Variants in B3GNT2 observed in about 807,000 individuals in gnomAD.
B3GNT2 encodes the protein UDP-GlcNAc:betaGal beta-1,3-N-acetylglucosaminyltransferase 2, also known as N-acetyllactosaminide beta-1,3-N-acetylglucosaminyltransferase 2.
B3GNT2 carries 12 observed loss-of-function variants against 27.6 expected under a neutral mutation model. The ratio of observed to expected loss-of-function variants is 0.44; its 90% CI spans 0.28 to 0.71. B3GNT2 has a LOEUF of 0.71. Among genes scored for constraint, B3GNT2 ranks in the 30% least tolerant of loss-of-function variants. The pLI is 0.17. For missense variants in B3GNT2, 413 were observed against 488.5 expected, an observed-to-expected ratio of 0.85 and a Z score of 1.46; for synonymous variants, 192 against 189.7, an observed-to-expected ratio of 1.01 and a Z score of -0.10.
At chr2:62,218,862 G>A (rs1674625900) in intron 1 of B3GNT2, among the ~76,000 whole-genome samples, 1 of 152,234 alleles carries the variant, frequency 6.6e-6, no homozygotes, top group Non-Finnish European at 1.5e-5. Flanking sequence ...CCATTCATTA[G>A]TCCCTGTGTC....
At chr2:62,201,354 G>A (rs1416873073) in intron 1 of B3GNT2, among the ~76,000 whole-genome samples, 1 of 152,182 alleles carries the variant, frequency 6.6e-6, no homozygotes, top group Non-Finnish European at 1.5e-5. Flanking sequence ...ATGAGAACTG[G>A]TTTATGGTCA....
At chr2:62,197,734 G>T (rs1270086181) in intron 1 of B3GNT2, among the ~76,000 whole-genome samples, 1 of 152,246 alleles carries the variant, frequency 6.6e-6, no homozygotes, top group East Asian at 1.9e-4. Context: ...GGGACTGGGA[G>T]TGAAAAGGCG....
intron 1 of B3GNT2, chr2:62,215,700 C>T (rs1237391555): frequency 6.6e-6 from 1 of 152,218 alleles, no homozygotes; most frequent in Non-Finnish European, 1.5e-5. Flanking sequence ...CCTCTGGCCT[C>T]GTGATATGGC....
intron 1 of B3GNT2, among the ~76,000 whole-genome samples, chr2:62,209,367 A>G (rs532912396): frequency 1.5e-3 from 224 of 152,228 alleles, no homozygotes; most frequent in Non-Finnish European, 2.8e-3. Context: ...TAAAAGAGAT[A>G]TTAGAGTGGA....
chr2:62,197,670 C>T (rs1264423057), intron 1 of B3GNT2, among the ~76,000 whole-genome samples: 1 of 152,216 alleles, frequency 6.6e-6, no homozygotes, highest in Non-Finnish European at 1.5e-5. Context: ...ACAAATTCTT[C>T]CGGTATAATT....
At chr2:62,197,171 G>T (rs377557852) in intron 1 of B3GNT2, among the ~76,000 whole-genome samples, 1 of 152,138 alleles carries the variant, frequency 6.6e-6, no homozygotes, top group Non-Finnish European at 1.5e-5. Context: ...GACACCCCTC[G>T]TGGGAAGGTG....
chr2:62,202,304 A>G (rs1183278442), intron 1 of B3GNT2, among the ~76,000 whole-genome samples: 1 of 152,216 alleles, frequency 6.6e-6, no homozygotes, highest in Non-Finnish European at 1.5e-5. Context: ...TTGGTCTTGA[A>G]GGATGTGAAT....
At chr2:62,213,363 A>G (rs535707633) in intron 1 of B3GNT2, among the ~76,000 whole-genome samples, 1 of 152,270 alleles carries the variant, frequency 6.6e-6, no homozygotes, top group South Asian at 2.1e-4. Flanking sequence ...TGTACTAAGG[A>G]TCTTCCTCTA....
At position 62,223,534 on chromosome 2, in the gene B3GNT2, A is replaced by G. The variant is rs6759249; in HGVS notation, c.*120A>G. On this transcript the variant is annotated 3_prime_UTR_variant, in exon 2 of 2. Transcript: ENST00000301998. ...AAAATTGCCTTTATGAGTGATACCCATTTGAGGGCCTCTAAACCCTTCAAT... is the reference window on the plus strand; with the variant it reads ...AAAATTGCCTTTATGAGTGATACCCGTTTGAGGGCCTCTAAACCCTTCAAT... 31,600 of 852,284 alleles carry G rather than the reference A, an allele frequency of 0.037. 5,399 individuals are homozygous for G. The African/African-American group carries it at 0.42, about 11-fold the overall frequency. 52.8% of individuals were successfully genotyped at this position (852,284 alleles called of 1,614,324 possible).
At chr2:62,219,294 C>G (rs1674636691) in intron 1 of B3GNT2, among the ~76,000 whole-genome samples, 1 of 152,078 alleles carries the variant, frequency 6.6e-6, no homozygotes, top group African/African-American at 2.4e-5. Flanking sequence ...TAAATTTTTG[C>G]CGGGTATTAA....
chr2:62,214,319 G>A (rs1674531501), intron 1 of B3GNT2, among the ~76,000 whole-genome samples: 1 of 152,186 alleles, frequency 6.6e-6, no homozygotes, highest in African/African-American at 2.4e-5. Context: ...GGAGGCTGTA[G>A]GCTATTGCAG....
chr2:62,213,317 C>T (rs1007977932), intron 1 of B3GNT2, among the ~76,000 whole-genome samples: 7 of 152,128 alleles, frequency 4.6e-5, no homozygotes, highest in African/African-American at 1.4e-4. Flanking sequence ...ATGATTGTCC[C>T]ACCTTAGGTA....
At chr2:62,216,627 C>T (rs1447017694) in intron 1 of B3GNT2, among the ~76,000 whole-genome samples, 1 of 152,056 alleles carries the variant, frequency 6.6e-6, no homozygotes, top group African/African-American at 2.4e-5. Context: ...TGGTCTCGAA[C>T]TCCTGGGCTC....
chr2:62,208,611 G>A (rs924541990), intron 1 of B3GNT2, among the ~76,000 whole-genome samples: 1 of 152,182 alleles, frequency 6.6e-6, no homozygotes, highest in African/African-American at 2.4e-5. Flanking sequence ...CTGGCACAGA[G>A]CCAGGGACCA....
At chr2:62,203,659 C>G (rs2104187469) in intron 1 of B3GNT2, among the ~76,000 whole-genome samples, 1 of 152,176 alleles carries the variant, frequency 6.6e-6, no homozygotes, top group South Asian at 2.1e-4. Context: ...TGACAAGGAG[C>G]ATGTGCCTGG....
At chr2:62,214,320 G>C (rs1369639754) in intron 1 of B3GNT2, among the ~76,000 whole-genome samples, 2 of 152,204 alleles carry the variant, frequency 1.3e-5, no homozygotes, top group Admixed American at 1.3e-4. Flanking sequence ...GAGGCTGTAG[G>C]CTATTGCAGG....
At chr2:62,198,766 G>A (rs922903767) in intron 1 of B3GNT2, among the ~76,000 whole-genome samples, 1 of 152,032 alleles carries the variant, frequency 6.6e-6, no homozygotes, top group African/African-American at 2.4e-5. Flanking sequence ...ATAATTCATA[G>A]TTGATTTTGA....
chr2:62,218,438 T>A (rs763974327), intron 1 of B3GNT2, among the ~76,000 whole-genome samples: 4 of 152,200 alleles, frequency 2.6e-5, no homozygotes, highest in Non-Finnish European at 4.4e-5. Context: ...TTTGGGAATC[T>A]GAAGTCTTTT....
chr2:62,220,223 C>T (rs969657302), intron 1 of B3GNT2, among the ~76,000 whole-genome samples: 6 of 152,186 alleles, frequency 3.9e-5, no homozygotes, highest in African/African-American at 1.2e-4. Flanking sequence ...AAATTTCTCC[C>T]GTGGTTAGCT....
Sources: allele counts gnomAD v4.1 joint callset (sites outside exome capture counted in the v4.1 genomes callset), GRCh38; gene constraint gnomAD v4.1.1; transcripts MANE v1.5; gene names NCBI Gene and HGNC (gene_info 2026-07-23, HGNC 2026-07-21).